Variants in SPTB observed in about 807,000 individuals in gnomAD.
The protein encoded by SPTB is spectrin beta chain, erythrocytic.
SPTB carries 45 observed loss-of-function variants against 256.2 expected under a neutral mutation model. The ratio of observed to expected loss-of-function variants is 0.18; its 90% CI spans 0.14 to 0.23. SPTB has a LOEUF of 0.23. Ranked by LOEUF, SPTB falls within the 10% of genes least tolerant of loss-of-function variation. The pLI is 1.00. For synonymous variants in SPTB, 1,231 were observed against 1,243.1 expected, an observed-to-expected ratio of 0.99 and a Z score of 0.21; for missense variants, 2,715 against 3,040.4, an observed-to-expected ratio of 0.89 and a Z score of 2.52.
chr14:64,828,972 T>A (rs898693225), intron 1 of SPTB, among the ~76,000 whole-genome samples: 9 of 152,222 alleles, frequency 5.9e-5, no homozygotes, highest in South Asian at 4.1e-4. Context: ...GAAAAGATTT[T>A]AAAAACCCAT....
chr14:64,794,683 A>G, intron 12 of SPTB, 66 bp from the exon 13 acceptor site: 1 of 1,601,396 alleles, frequency 6.2e-7, no homozygotes, highest in Non-Finnish European at 8.5e-7. Flanking sequence ...AGGAGAAGAG[A>G]CCCCTGCAAA....
rs775531702 is a variant in SPTB at position 64,785,655 on chromosome 14, C to T, written c.3765-28G>A. On this transcript the variant is annotated intron_variant, in intron 17 of 35. Transcript: ENST00000644917. This position sits in a 1 kb window ranked among gnomAD's most constrained non-coding sequence, Gnocchi z 4.4. ...GGAAAGGAAGCCAAAAGCACAGTCA[C>T]AATAGTGCCGAGCTTGGGGTCCTCA... 2 of 1,613,754 alleles carry T rather than the reference C, an allele frequency of 1.2e-6. No individual in the cohort carries two copies. Among genetic ancestry groups the T allele is most frequent in the Non-Finnish European group, 8.5e-7 (1 of 1,179,680 alleles).
At position 64,791,875 on chromosome 14, in the gene SPTB, A is replaced by T. The variant is rs558662752; in HGVS notation, c.2667-19T>A. The T allele has an allele frequency of 7.4e-6, 12 of 1,614,086 alleles. No homozygotes were observed. The highest frequency in any genetic ancestry group is 1.0e-5 in the Non-Finnish European group (12 of 1,180,008). Reference sequence around the variant, plus strand: ...GTCGAACCTGATATGGGCAAAGGAAAATATGAGGATGGGTGAGGCGGCAGC... The same window carrying T: ...GTCGAACCTGATATGGGCAAAGGAATATATGAGGATGGGTGAGGCGGCAGC... On this transcript the variant is annotated intron_variant, in intron 14 of 35. Transcript: ENST00000644917.
At chr14:64,851,866 G>C (rs230720) in intron 1 of SPTB, among the ~76,000 whole-genome samples, 1 of 152,056 alleles carries the variant, frequency 6.6e-6, no homozygotes, top group East Asian at 1.9e-4. Context: ...CCTGTTGTGG[G>C]GGGTGGAGGG....
At chr14:64,858,338 T>C (rs919562422) in intron 1 of SPTB, among the ~76,000 whole-genome samples, 9 of 152,178 alleles carry the variant, frequency 5.9e-5, no homozygotes, top group Admixed American at 2.0e-4. Flanking sequence ...GTAGGGCAAG[T>C]ACTTGGGAAA....
rs186907143 is a variant in SPTB at position 64,879,861 on chromosome 14, G to A, written c.-121C>T. On this transcript the variant is annotated 5_prime_UTR_variant, in exon 1 of 36. Transcript: ENST00000644917. ...CGGCGGCGGCGGCGCAGGGGGAGGA[G>A]GGCAGCGCGGGGCTCCTGGCACAGC... The A allele has an allele frequency of 3.9e-3, 606 of 154,170 alleles. 16 individuals carry two copies. Among genetic ancestry groups the A allele is most frequent in the Admixed American group, 0.032 (486 of 15,286 alleles). 9.6% of individuals were successfully genotyped at this position (154,170 alleles called of 1,614,324 possible).
At chr14:64,840,182 T>G (rs572139997) in intron 1 of SPTB, among the ~76,000 whole-genome samples, 1 of 152,340 alleles carries the variant, frequency 6.6e-6, no homozygotes, top group South Asian at 2.1e-4. Context: ...TGCTCCATGA[T>G]GTACCCATTC....
intron 19 of SPTB, among the ~76,000 whole-genome samples, chr14:64,783,484 G>A (rs1356733602): frequency 6.6e-6 from 1 of 152,180 alleles, no homozygotes; most frequent in East Asian, 1.9e-4. Context: ...TTACAGCTGT[G>A]AGCCACCGTG....
rs761083364 is a variant in SPTB at position 64,753,612 on chromosome 14, C to T, written c.6527G>A (p.Gly2176Glu). 3 of 1,613,568 alleles carry T rather than the reference C, an allele frequency of 1.9e-6. No homozygotes were observed. The highest frequency in any genetic ancestry group is 1.3e-5 in the African/African-American group (1 of 74,914). ...PATLPAPRDH[G>E]QSVQMEGYLG... is the part of the protein sequence containing the mutation. ...GTAGCCTTCCATCTGCACACTCTGC[C>T]CATGGTCCCGCGGGGCCGGCAGCGT... Residue 2176 changes from glycine (G) to glutamate (E), a missense_variant, in exon 33 of 36, where the codon GGG (glycine) becomes GAG (glutamate). Gly to Glu is a moderately conservative substitution (Grantham distance 98). Coordinates refer to ENST00000644917, the MANE Select transcript of SPTB (RefSeq NM_001355436.2).
intron 1 of SPTB, among the ~76,000 whole-genome samples, chr14:64,832,890 G>A (rs1323064358): frequency 6.6e-6 from 1 of 152,168 alleles, no homozygotes; most frequent in Non-Finnish European, 1.5e-5. Flanking sequence ...ATCTATATTT[G>A]CTCTTTGGCC....
chr14:64,794,554 G>A lies in SPTB; in HGVS notation c.1708C>T (p.His570Tyr), dbSNP rs1267571960. The A allele has an allele frequency of 1.2e-6, 2 of 1,614,044 alleles. No homozygotes were observed. The highest frequency in any genetic ancestry group is 2.7e-5 in the African/African-American group (2 of 74,926). ...LLEVEDLLQK[H>Y]KLMEADIAIQ... ...GCGATGTCAGCTTCCATCAACTTGTGCTTCTGTAGCAGGTCTTCAACCTCC... is the reference window on the plus strand; with the variant it reads ...GCGATGTCAGCTTCCATCAACTTGTACTTCTGTAGCAGGTCTTCAACCTCC... The change falls in exon 13 of 36, where the codon CAC (histidine) becomes TAC (tyrosine). Residue 570 changes from histidine (H) to tyrosine (Y), a missense_variant. This residue lies in a region of SPTB where 2,239 missense variants were observed against 2,384.4 expected (regional missense o/e 0.94). Transcript: ENST00000644917.
intron 2 of SPTB, among the ~76,000 whole-genome samples, chr14:64,820,970 G>A (rs750793617): frequency 2.0e-5 from 3 of 151,926 alleles, no homozygotes; most frequent in East Asian, 1.9e-4. Context: ...GAGCTACCAC[G>A]CCCGGCTTTG....
rs2139499895 is a variant in SPTB, at chr14:64,772,044, T to C, written c.5553+536A>G. Among the ~76,000 whole-genome samples the C allele has an allele frequency of 6.6e-6, 1 of 152,252 alleles. No individual in the cohort carries two copies. Among genetic ancestry groups the C allele is most frequent in the African/African-American group, 2.4e-5 (1 of 41,562 alleles). ...GGGCAGGGGTCTGAACAGTAGAACT[T>C]GGGGGCTCTCCAGCTCCCATGTGGA... On this transcript the variant is annotated intron_variant, in intron 26 of 35. Coordinates refer to ENST00000644917, the MANE Select transcript of SPTB (RefSeq NM_001355436.2). This position sits in a 1 kb window ranked among gnomAD's most constrained non-coding sequence, Gnocchi z 5.4.
chr14:64,767,884 C>T (rs998023144), intron 29 of SPTB, 25 bp from the exon 30 acceptor site: 1 of 1,611,736 alleles, frequency 6.2e-7, no homozygotes, highest in Admixed American at 1.7e-5. Context: ...AGGACACAGA[C>T]CCCCCACAAG....
At chr14:64,822,219 C>G (rs1195349158) in intron 2 of SPTB, among the ~76,000 whole-genome samples, 1 of 148,474 alleles carries the variant, frequency 6.7e-6, no homozygotes, top group Non-Finnish European at 1.5e-5. Context: ...TATACTTACC[C>G]TGGGTCAAGT....
Position 64,773,316 on chromosome 14 carries a change from C to G in SPTB, c.5082G>C (p.Gln1694His). ...RKLENMYHLF[Q>H]LKRETDDLEQ... is the part of the protein sequence containing the mutation. The stretch of plus-strand genomic sequence containing the variant: ...CCAGGTCGTCGGTCTCCCGCTTGAG[C>G]TGGAACAGGTGGTACATGTTCTCCA... The change falls in exon 25 of 36, where the codon CAG (glutamine) becomes CAC (histidine). Residue 1694 changes from glutamine to histidine, a missense_variant. By Grantham distance (24) the Gln-to-His change is conservative (BLOSUM62 0). Transcript: ENST00000644917. The G allele has an allele frequency of 6.2e-7, 1 of 1,614,224 alleles. No individual in the cohort carries two copies. Among genetic ancestry groups the G allele is most frequent in the Middle Eastern group, 1.6e-4 (1 of 6,062 alleles).
At chr14:64,822,513 G>A (rs769700136) in intron 2 of SPTB, among the ~76,000 whole-genome samples, 4 of 151,564 alleles carry the variant, frequency 2.6e-5, no homozygotes, top group Admixed American at 6.6e-5. Flanking sequence ...ATCTGTTCTC[G>A]ATTTCCTATC....
At position 64,775,193 on chromosome 14, in the gene SPTB, C is replaced by A. The variant is rs536189861; in HGVS notation, c.4774G>T (p.Asp1592Tyr). 3 of 1,613,974 alleles carry A rather than the reference C, an allele frequency of 1.9e-6. No homozygotes were observed. The highest frequency in any genetic ancestry group is 1.7e-5 in the Admixed American group (1 of 60,030). ...DANEAQQYYL[D>Y]ADEAEAWIGE... ...ATCCAGGCCTCAGCCTCGTCTGCAT[C>A]CAGGTAGTACTGCTGTGCCTCGTTG... The change falls in exon 23 of 36, where the codon GAT becomes TAT. Residue 1592 changes from aspartate (D) to tyrosine (Y), a missense_variant. Physicochemically the swap from Asp to Tyr is radical, Grantham distance 160 (BLOSUM62 -3). This residue lies in a region of SPTB where 2,239 missense variants were observed against 2,384.4 expected (regional missense o/e 0.94). Transcript: ENST00000644917. This position sits in a 1 kb window ranked among gnomAD's most constrained non-coding sequence, Gnocchi z 5.0.
chr14:64,779,878 G>T lies in SPTB; in HGVS notation c.4320C>A (p.Ala1440=), dbSNP rs762565895. 10 of 1,614,016 alleles carry T rather than the reference G, an allele frequency of 6.2e-6. No homozygotes were observed. In the East Asian group the frequency reaches 2.2e-4, roughly 36 times the overall value. ...CCTCCTCTCCCATTGAAGGCACCTG[G>T]GCAAACAGCTCCCCCAGCTCCTCTT... is the stretch of plus-strand genomic sequence containing the variant. ...VRKEELGELF[A]QVPSMGEEGG... is the part of the protein sequence containing the mutation. The change falls in exon 21 of 36, where the codon GCC becomes GCA. Residue 1440 remains alanine (A), a synonymous_variant. Transcript: ENST00000644917. The surrounding 1 kb of genome is among the most constrained non-coding windows in gnomAD (Gnocchi z 4.2).
Sources: gnomAD v4.1 joint callset for allele counts (sites outside exome capture counted in the v4.1 genomes callset) on GRCh38, gnomAD v4.1.1 for gene constraint, gnomAD v4.1.1 regional missense constraint, Gnocchi (gnomAD v3.1) non-coding constraint, MANE v1.5 for transcripts, NCBI Gene and HGNC (gene_info 2026-07-23, HGNC 2026-07-21) for gene names.